Variants in EPHB1 observed in about 807,000 individuals in gnomAD.
The protein encoded by EPHB1 is EPH receptor B1, also known as ephrin type-B receptor 1.
In EPHB1, 30 loss-of-function variants were observed where a neutral mutation model predicts 94.4. The ratio of observed to expected loss-of-function variants is 0.32; its 90% CI spans 0.24 to 0.43. EPHB1 has a LOEUF of 0.43. Among genes scored for constraint, EPHB1 ranks in the 20% least tolerant of loss-of-function variants. The probability of loss-of-function intolerance (pLI) is 1.00; values close to 1 mark genes in which losing one functional copy is unlikely to be tolerated. For missense variants in EPHB1, 1,055 were observed against 1,308.3 expected, an observed-to-expected ratio of 0.81 and a Z score of 2.99; for synonymous variants, 522 against 489.1, an observed-to-expected ratio of 1.07 and a Z score of -0.89.
intron 1 of EPHB1, among the ~76,000 whole-genome samples, chr3:134,819,499 T>C (rs7643763): frequency 0.043 from 6,488 of 152,290 alleles, 319 homozygotes; most frequent in African/African-American, 0.12. Flanking sequence ...TATCCCATTA[T>C]AGGGGCTTTG....
At chr3:135,156,575 C>T (rs1245720722) in intron 6 of EPHB1, among the ~76,000 whole-genome samples, 1 of 152,164 alleles carries the variant, frequency 6.6e-6, no homozygotes, top group Non-Finnish European at 1.5e-5. Context: ...GATGGATCAC[C>T]AATCCCAGTC....
chr3:135,073,517 A>G (rs1303237703), intron 3 of EPHB1, among the ~76,000 whole-genome samples: 1 of 152,204 alleles, frequency 6.6e-6, no homozygotes, highest in Non-Finnish European at 1.5e-5. Flanking sequence ...TTATCAGTAA[A>G]TATTTCAGAG....
In EPHB1 at chr3:135,259,376, G is replaced by A; in HGVS notation, c.*256G>A. 1 of 310,468 alleles carries A rather than the reference G, an allele frequency of 3.2e-6. No homozygotes were observed. The highest frequency in any genetic ancestry group is 6.0e-6 in the Non-Finnish European group (1 of 167,404). The allele number at this position is 310,468 out of a possible 1,614,324, so 19.2% of individuals were successfully genotyped here. The stretch of plus-strand genomic sequence containing the variant: ...AAAGGTGATGTTCAACAGAAGTGAA[G>A]ACAAAACAATATGCATCAGGAGAAC... On this transcript the variant is annotated 3_prime_UTR_variant, in exon 16 of 16. Coordinates refer to ENST00000398015, the MANE Select transcript of EPHB1 (RefSeq NM_004441.5).
At chr3:135,159,156 C>T (rs888663044) in intron 6 of EPHB1, among the ~76,000 whole-genome samples, 1 of 152,100 alleles carries the variant, frequency 6.6e-6, no homozygotes, top group African/African-American at 2.4e-5. Flanking sequence ...TCCTCTGTCT[C>T]CCACATACTT....
chr3:135,206,922 C>G (rs1942916265), intron 12 of EPHB1, among the ~76,000 whole-genome samples: 2 of 152,128 alleles, frequency 1.3e-5, no homozygotes, highest in South Asian at 2.1e-4. Context: ...AAAAAAAAAG[C>G]TTCCTTGACT....
chr3:135,177,892 C>T (rs1302850220), intron 9 of EPHB1, among the ~76,000 whole-genome samples: 3 of 152,140 alleles, frequency 2.0e-5, no homozygotes, highest in Non-Finnish European at 4.4e-5. Context: ...TCTCTTTGTC[C>T]ACTGTTATTA....
chr3:135,207,595 A>G (rs1942932037), intron 12 of EPHB1, among the ~76,000 whole-genome samples: 1 of 152,236 alleles, frequency 6.6e-6, no homozygotes, highest in African/African-American at 2.4e-5. Flanking sequence ...TGCATAAAAC[A>G]ATAAATAACA....
At chr3:135,250,655 C>G (rs1484139146) in intron 15 of EPHB1, among the ~76,000 whole-genome samples, 1 of 152,082 alleles carries the variant, frequency 6.6e-6, no homozygotes, top group Non-Finnish European at 1.5e-5. Flanking sequence ...ACCTTCTACA[C>G]TCACAGAAGC....
At chr3:134,832,248 T>G (rs1486738209) in intron 1 of EPHB1, among the ~76,000 whole-genome samples, 24 of 152,232 alleles carry the variant, frequency 1.6e-4, no homozygotes, top group Non-Finnish European at 1.5e-5. Flanking sequence ...AACATCAACA[T>G]GCAAGACAGA....
At chr3:134,887,286 T>G (rs1317610050) in intron 1 of EPHB1, among the ~76,000 whole-genome samples, 1 of 152,200 alleles carries the variant, frequency 6.6e-6, no homozygotes, top group Non-Finnish European at 1.5e-5. Context: ...CTTCATAGCA[T>G]GATGAGCTCA....
intron 1 of EPHB1, among the ~76,000 whole-genome samples, chr3:134,887,642 G>A (rs2037886767): frequency 6.6e-6 from 1 of 152,170 alleles, no homozygotes; most frequent in Non-Finnish European, 1.5e-5. Context: ...TCTGAATAAT[G>A]AAAAAGAGTT....
At chr3:135,100,645 G>A (rs1395962757) in intron 3 of EPHB1, among the ~76,000 whole-genome samples, 1 of 152,152 alleles carries the variant, frequency 6.6e-6, no homozygotes, top group Non-Finnish European at 1.5e-5. Flanking sequence ...AGTACTGTGG[G>A]TGATGGACTC....
intron 11 of EPHB1, 120 bp from the exon 12 acceptor site, chr3:135,201,354 C>G (rs1311435865): frequency 1.1e-6 from 1 of 915,678 alleles, no homozygotes; most frequent in Non-Finnish European, 1.8e-6. Context: ...GAGGAGGACA[C>G]AGTGAGTGGC....
At chr3:135,212,670 ATT>A (rs1943058160) in intron 12 of EPHB1, among the ~76,000 whole-genome samples, 1 of 152,184 alleles carries the variant, frequency 6.6e-6, no homozygotes, top group South Asian at 2.1e-4. Flanking sequence ...ATTGTGCTGA[ATT>A]CGTTCCCTTG....
chr3:135,168,108 C>A (rs1458384292), intron 9 of EPHB1, among the ~76,000 whole-genome samples: 1 of 152,224 alleles, frequency 6.6e-6, no homozygotes, highest in Non-Finnish European at 1.5e-5. Flanking sequence ...GCAGCCAATG[C>A]CGACTCGGGC....
Position 135,162,118 on chromosome 3 carries a change from C to T in EPHB1, c.1523C>T (p.Ala508Val), listed in dbSNP as rs2107698261. The T allele has an allele frequency of 1.9e-6, 3 of 1,612,744 alleles. No individual in the cohort carries two copies. The highest frequency in any genetic ancestry group is 2.5e-6 in the Non-Finnish European group (3 of 1,179,250). Residue 508 changes from alanine to valine, a missense_variant, in exon 7 of 16, where the codon GCC (alanine) becomes GTC (valine). Physicochemically the swap from Ala to Val is moderately conservative, Grantham distance 64 (BLOSUM62 0). Coordinates refer to ENST00000398015, the MANE Select transcript of EPHB1 (RefSeq NM_004441.5). ...ATGGTATATGTGGTACAGGTGCGTG[C>T]CCGCACTGTTGCTGGCTACGGCAAG... ...PGMVYVVQVR[A>V]RTVAGYGKFS...
chr3:134,936,573 C>G (rs926178867), intron 2 of EPHB1, among the ~76,000 whole-genome samples: 1 of 152,226 alleles, frequency 6.6e-6, no homozygotes, highest in East Asian at 1.9e-4. Flanking sequence ...CTGAACGCGC[C>G]CCCCCCTCCA....
intron 7 of EPHB1, among the ~76,000 whole-genome samples, chr3:135,164,803 T>C: frequency 1.3e-5 from 1 of 76,046 alleles, no homozygotes; most frequent in Non-Finnish European, 2.4e-5. Context: ...AGCAAGACTG[T>C]CTCAAAAAAA....
At chr3:135,060,637 TTTTTTA>T (rs1158860306) in intron 3 of EPHB1, among the ~76,000 whole-genome samples, 5 of 152,158 alleles carry the variant, frequency 3.3e-5, no homozygotes, top group African/African-American at 1.2e-4. Flanking sequence ...TTTTTAAAAC[TTTTTTA>T]TTTTTAATTT....
Sources: gnomAD v4.1 joint callset for allele counts (sites outside exome capture counted in the v4.1 genomes callset) on GRCh38, gnomAD v4.1.1 for gene constraint, MANE v1.5 for transcripts, NCBI Gene and HGNC (gene_info 2026-07-23, HGNC 2026-07-21) for gene names.